The following CFAP54 variants were observed in gnomAD, a reference collection of about 807,000 sequenced individuals.
CFAP54 encodes the protein cilia and flagella associated protein 54, also known as cilia- and flagella-associated protein 54.
Under a neutral mutation model 370.4 loss-of-function variants are expected in CFAP54, and 290 were observed. That is an observed-to-expected ratio of 0.78 (90% CI 0.71 to 0.86). The LOEUF (loss-of-function observed/expected upper bound fraction) is 0.86. Ranked by LOEUF, CFAP54 falls within the 40% of genes least tolerant of loss-of-function variation. The pLI is 0.00. For missense variants in CFAP54, 3,399 were observed against 3,528.7 expected (o/e 0.96, Z 0.93); for synonymous variants, 1,206 against 1,236.5 (o/e 0.98, Z 0.52).
chr12:96,606,450 T>C (rs1956301878), intron 26 of CFAP54, among the ~76,000 whole-genome samples: 1 of 152,328 alleles, frequency 6.6e-6, no homozygotes, highest in Admixed American at 6.5e-5. Context: ...ACGTGTTTTG[T>C]GTTTGTTACA....
At chr12:96,780,578 TAAAGGAAAAAA>T (rs1958571366) in intron 60 of CFAP54, among the ~76,000 whole-genome samples, 7 of 151,916 alleles carry the variant, frequency 4.6e-5, no homozygotes, top group African/African-American at 1.4e-4. Flanking sequence ...AAGATAGAGA[TAAAGGAAAAAA>T]TAGGAGGTAC....
intron 66 of CFAP54, among the ~76,000 whole-genome samples, chr12:96,829,871 T>C (rs1328394397): frequency 6.6e-6 from 1 of 152,074 alleles, no homozygotes; most frequent in Non-Finnish European, 1.5e-5. Context: ...CAATAACTCC[T>C]CAATTCCTCC....
At chr12:96,593,542 T>C (rs1484671325) in intron 24 of CFAP54, among the ~76,000 whole-genome samples, 1 of 152,172 alleles carries the variant, frequency 6.6e-6, no homozygotes, top group Non-Finnish European at 1.5e-5. Context: ...CTTCAGTTTC[T>C]TCTTTCAGCG....
chr12:96,547,925 A>C lies in CFAP54; in HGVS notation c.2101A>C (p.Asn701His). Residue 701 changes from asparagine (N) to histidine (H), a missense_variant, in exon 15 of 68, where the codon AAC (asparagine) becomes CAC (histidine). Asn to His is a moderately conservative substitution (Grantham distance 68). Coordinates refer to ENST00000524981, the MANE Select transcript of CFAP54 (RefSeq NM_001306084.2). Reference sequence around the variant, plus strand: ...AGATGTACCTTTAAGAGAAGGGACTAACAAATTCCCTGGAGCTCCAAAAGG... The same window carrying C: ...AGATGTACCTTTAAGAGAAGGGACTCACAAATTCCCTGGAGCTCCAAAAGG... Reference protein sequence around the residue: ...SLDVPLREGTNKFPGAPKGIT... With the variant: ...SLDVPLREGTHKFPGAPKGIT... 6.6e-7 allele frequency: 1 copy of C among 1,506,240 alleles called. No homozygotes were observed. Among genetic ancestry groups the C allele is most frequent in the South Asian group, 1.2e-5 (1 of 80,656 alleles). The allele number at this position is 1,506,240 out of a possible 1,614,324, so 93.3% of individuals were successfully genotyped here.
At chr12:96,711,918 CATT>C (rs913161939) in intron 48 of CFAP54, among the ~76,000 whole-genome samples, 19 of 152,158 alleles carry the variant, frequency 1.2e-4, no homozygotes, top group African/African-American at 4.6e-4. Context: ...TTTCTGTAAA[CATT>C]ATTATACATG....
chr12:96,627,523 C>T (rs770332008), intron 30 of CFAP54, among the ~76,000 whole-genome samples: 3 of 152,202 alleles, frequency 2.0e-5, no homozygotes, highest in Non-Finnish European at 4.4e-5. Flanking sequence ...GGGCATTGAT[C>T]TGTCCATCCC....
At position 96,579,480 on chromosome 12, in the gene CFAP54, C is replaced by T. The variant is rs563928268; in HGVS notation, c.2797-1117C>T. ...TTGAGAACCACTTGTGTCAATTGGA[C>T]ATAGTTAGTATTTTTCTGTTGACCT... On this transcript the variant is annotated intron_variant, in intron 20 of 67. Coordinates refer to ENST00000524981, the MANE Select transcript of CFAP54 (RefSeq NM_001306084.2). Among the ~76,000 whole-genome samples, 8 of 152,214 alleles carry T rather than the reference C, an allele frequency of 5.3e-5. No individual in the cohort carries two copies. In the East Asian group the frequency reaches 7.7e-4, roughly 15 times the overall value.
intron 4 of CFAP54, among the ~76,000 whole-genome samples, 193 bp from the exon 5 acceptor site, chr12:96,512,793 A>G (rs889167852): frequency 1.3e-5 from 2 of 152,246 alleles, no homozygotes; most frequent in African/African-American, 2.4e-5. Context: ...AAATACGGCC[A>G]TGTTAATTAT....
intron 4 of CFAP54, among the ~76,000 whole-genome samples, chr12:96,512,063 T>G (rs1955175271): frequency 6.6e-6 from 1 of 151,954 alleles, no homozygotes; most frequent in Admixed American, 6.6e-5. Context: ...GTGTCCTTAC[T>G]TAGGTGTTGG....
chr12:96,740,316 A>G (rs1261278055), intron 51 of CFAP54, among the ~76,000 whole-genome samples: 3 of 152,248 alleles, frequency 2.0e-5, no homozygotes, highest in Non-Finnish European at 1.5e-5. Flanking sequence ...CTAAAGTCCA[A>G]TCCAAAGTTC....
intron 26 of CFAP54, among the ~76,000 whole-genome samples, chr12:96,614,342 T>C (rs796578634): frequency 6.6e-6 from 1 of 152,154 alleles, no homozygotes; most frequent in Non-Finnish European, 1.5e-5. Context: ...CTCAATAAAT[T>C]AGGTATTGAT....
intron 3 of CFAP54, among the ~76,000 whole-genome samples, chr12:96,505,120 G>A (rs1045467760): frequency 1.3e-5 from 2 of 148,342 alleles, no homozygotes; most frequent in African/African-American, 5.0e-5. Flanking sequence ...CTGGAGTGCA[G>A]TGGCATGATC....
chr12:96,731,427 A>C (rs1296542381), intron 50 of CFAP54, among the ~76,000 whole-genome samples: 1 of 152,218 alleles, frequency 6.6e-6, no homozygotes, highest in African/African-American at 2.4e-5. Context: ...ATGGAATACC[A>C]TTTTCATTTG....
chr12:96,861,207 T>C (rs763694719), intron 67 of CFAP54, among the ~76,000 whole-genome samples: 2 of 152,202 alleles, frequency 1.3e-5, no homozygotes, highest in African/African-American at 2.4e-5. Context: ...TTTGGAGTCA[T>C]TTATGTTTAG....
At chr12:96,848,890 C>G (rs561082981) in intron 66 of CFAP54, among the ~76,000 whole-genome samples, 2 of 152,284 alleles carry the variant, frequency 1.3e-5, no homozygotes, top group South Asian at 4.2e-4. Context: ...GCCCTGTTAC[C>G]TTCCTGAGAG....
At chr12:96,740,109 C>T in intron 51 of CFAP54, 48 bp downstream of exon 51, 1 of 1,024,448 alleles carries the variant, frequency 9.8e-7, no homozygotes, top group Non-Finnish European at 1.5e-6. Flanking sequence ...CATATAAGAA[C>T]TATTGGCATG....
At chr12:96,493,755 G>T (rs368477729) in intron 1 of CFAP54, among the ~76,000 whole-genome samples, 1 of 152,114 alleles carries the variant, frequency 6.6e-6, no homozygotes, top group South Asian at 2.1e-4. Context: ...CCAAGATCGC[G>T]CCAGTGCACT....
At chr12:96,803,012 C>G (rs902080959) in intron 63 of CFAP54, among the ~76,000 whole-genome samples, 1 of 152,128 alleles carries the variant, frequency 6.6e-6, no homozygotes, top group African/African-American at 2.4e-5. Flanking sequence ...TGAACTCATT[C>G]TTTTTAATGG....
chr12:96,606,929 A>T (rs989483429), intron 26 of CFAP54, among the ~76,000 whole-genome samples: 2 of 152,220 alleles, frequency 1.3e-5, no homozygotes, highest in Admixed American at 6.5e-5. Context: ...TGGTTCTCAT[A>T]GGACCTTTGC....
Sources: gnomAD v4.1 joint callset for allele counts (sites outside exome capture counted in the v4.1 genomes callset) on GRCh38, gnomAD v4.1.1 for gene constraint, MANE v1.5 for transcripts, NCBI Gene and HGNC (gene_info 2026-07-23, HGNC 2026-07-21) for gene names.